The following TMPPE variants were observed in gnomAD, a reference collection of about 807,000 sequenced individuals.
TMPPE encodes transmembrane protein with metallophosphoesterase domain.
A neutral mutation model predicts 22.6 loss-of-function variants in TMPPE; 16 were observed. The observed-to-expected ratio is 0.71, with a 90% CI of 0.48 to 1.08. The LOEUF (loss-of-function observed/expected upper bound fraction) is 1.08, where lower values mean the gene tolerates loss of function less well. Among genes scored for constraint, TMPPE ranks in the 50% least tolerant of loss-of-function variants. The pLI, the probability that TMPPE is intolerant of heterozygous loss-of-function variation, is 0.00. For missense variants in TMPPE, 526 were observed against 584.3 expected, an observed-to-expected ratio of 0.90 and a Z score of 1.03; for synonymous variants, 240 against 245.3, an observed-to-expected ratio of 0.98 and a Z score of 0.20.
intron 1 of TMPPE, 157 bp downstream of exon 1, chr3:33,096,562 G>A (rs996338032): frequency 5.1e-6 from 5 of 984,396 alleles, no homozygotes; most frequent in South Asian, 4.7e-5. Flanking sequence ...CCCACTGCAA[G>A]GGCCTCTCCT....
intron 1 of TMPPE, among the ~76,000 whole-genome samples, chr3:33,095,917 G>A (rs1290600693): frequency 2.0e-5 from 3 of 152,224 alleles, no homozygotes; most frequent in Non-Finnish European, 4.4e-5. Context: ...ACGGGGTGAA[G>A]AGGGAGCAGC....
chr3:33,093,611 C>A lies in TMPPE; in HGVS notation c.585G>T (p.Val195=). 2 of 1,614,100 alleles carry A rather than the reference C, an allele frequency of 1.2e-6. No individual in the cohort carries two copies. The highest frequency in any genetic ancestry group is 1.7e-6 in the Non-Finnish European group (2 of 1,179,996). ...AQPPAVKTVE[V]PIHQLPASMN... Reference sequence around the variant, plus strand: ...TTGAGGCAGGCAGCTGATGGATGGGCACCTCCACAGTTTTCACAGCCGGGG... The same window carrying A: ...TTGAGGCAGGCAGCTGATGGATGGGAACCTCCACAGTTTTCACAGCCGGGG... The change falls in exon 2 of 2, where the codon GTG becomes GTT. Residue 195 remains valine (V), a synonymous_variant. Coordinates refer to ENST00000342462, the MANE Select transcript of TMPPE (RefSeq NM_001039770.3). The surrounding 1 kb of genome is among the most constrained non-coding windows in gnomAD (Gnocchi z 6.0).
At position 33,096,840 on chromosome 3, in the gene TMPPE, C is replaced by T. The variant is rs1303058537; in HGVS notation, c.-230G>A. 32 of 1,373,918 alleles carry T rather than the reference C, an allele frequency of 2.3e-5. 1 individual carries two copies. In the South Asian group the frequency reaches 4.1e-4, roughly 18 times the overall value. 85.1% of individuals were successfully genotyped at this position (1,373,918 alleles called of 1,614,324 possible). A position where few individuals can be genotyped will look rare whatever the true frequency, so the allele number is the denominator to read the frequency against. On this transcript the variant is annotated 5_prime_UTR_variant, in exon 1 of 2. Coordinates refer to ENST00000342462, the MANE Select transcript of TMPPE (RefSeq NM_001039770.3). ...CGCGCCCCGCCCGGCCCGCCCCCGA[C>T]GGGAAGGCCGGTCCACTGCCTGCGT...
chr3:33,096,462 C>A (rs1701032384), intron 1 of TMPPE: 1 of 984,886 alleles, frequency 1.0e-6, no homozygotes, highest in African/African-American at 1.8e-5. Context: ...AAAGAAAAAC[C>A]CAAGCCAAAG....
chr3:33,091,964 C>G lies in TMPPE; in HGVS notation c.*870G>C, dbSNP rs555734051. 1 of 984,472 alleles carries G rather than the reference C, an allele frequency of 1.0e-6. No homozygotes were observed. The allele number at this position is 984,472 out of a possible 1,614,324, so 61.0% of individuals were successfully genotyped here. On this transcript the variant is annotated 3_prime_UTR_variant, in exon 2 of 2. Coordinates refer to ENST00000342462, the MANE Select transcript of TMPPE (RefSeq NM_001039770.3). ...AGACCTGGTTTCTAGCCCCAAATCTCCTACATATCTTGTCATACTGCCTGT... is the reference window on the plus strand; with the variant it reads ...AGACCTGGTTTCTAGCCCCAAATCTGCTACATATCTTGTCATACTGCCTGT...
In TMPPE at chr3:33,091,322, C is replaced by T. The variant is rs924925789; in HGVS notation, c.*1512G>A. ...AGATCCCCCAGAACCCCACTATACA[C>T]CAGGAGGACAAGGAGGAAAGGAAGA... On this transcript the variant is annotated 3_prime_UTR_variant, in exon 2 of 2. Coordinates refer to ENST00000342462, the MANE Select transcript of TMPPE (RefSeq NM_001039770.3). 1 of 985,458 alleles carries T rather than the reference C, an allele frequency of 1.0e-6. No homozygotes were observed. The highest frequency in any genetic ancestry group is 6.1e-5 in the Admixed American group (1 of 16,282). The allele number at this position is 985,458 out of a possible 1,614,324, so 61.0% of individuals were successfully genotyped here.
chr3:33,092,032 G>A lies in TMPPE; in HGVS notation c.*802C>T. 2 of 985,078 alleles carry A rather than the reference G, an allele frequency of 2.0e-6. No individual in the cohort carries two copies. The highest frequency in any genetic ancestry group is 2.4e-6 in the Non-Finnish European group (2 of 829,656). The allele number at this position is 985,078 out of a possible 1,614,324, so 61.0% of individuals were successfully genotyped here. The stretch of plus-strand genomic sequence containing the variant: ...CTTGGTTTCCTTATCTCCAAATAGG[G>A]AAAAGCAGCCTGTCCCCAGTGAGCT... On this transcript the variant is annotated 3_prime_UTR_variant, in exon 2 of 2. Transcript: ENST00000342462.
Position 33,092,510 on chromosome 3 carries a change from GA to G in TMPPE, c.*323del. 1 of 1,098,834 alleles carries G rather than the reference GA, an allele frequency of 9.1e-7. No homozygotes were observed. Among genetic ancestry groups the G allele is most frequent in the Non-Finnish European group, 1.1e-6 (1 of 901,290 alleles). The allele number at this position is 1,098,834 out of a possible 1,614,324, so 68.1% of individuals were successfully genotyped here. A position where few individuals can be genotyped will look rare whatever the true frequency, so the allele number is the denominator to read the frequency against. ...AGAGGTATGCCTTTCTAGCAACCCC[GA>G]GGGGAGGTTCATCCCTGGGAGCTCT... On this transcript the variant is annotated 3_prime_UTR_variant, in exon 2 of 2. Transcript: ENST00000342462.
intron 1 of TMPPE, chr3:33,096,315 A>C (rs1277317435): frequency 1.1e-6 from 1 of 897,860 alleles, no homozygotes; most frequent in Admixed American, 6.2e-5. Context: ...CTCTCCCACC[A>C]ACTGTGCACG....
In TMPPE at chr3:33,093,391, G is replaced by C. The variant is rs1340067295; in HGVS notation, c.805C>G (p.Leu269Val). 19 of 1,614,202 alleles carry C rather than the reference G, an allele frequency of 1.2e-5. No homozygotes were observed. Among genetic ancestry groups the C allele is most frequent in the Non-Finnish European group, 1.6e-5 (19 of 1,180,046 alleles). Residue 269 changes from leucine to valine, a missense_variant, in exon 2 of 2, where the codon CTC (leucine) becomes GTC (valine). Leu to Val is a conservative substitution (Grantham distance 32). Transcript: ENST00000342462. This position sits in a 1 kb window ranked among gnomAD's most constrained non-coding sequence, Gnocchi z 6.0. ...TTGCCTGTGACGAAGTAGGCACCGA[G>C]ATGTGAATGAAGCTGGCCCAGAGGA... ...VAPLGQLHSH[L>V]GAYFVTGNHE...
At chr3:33,094,441 TTTA>T (rs756530682) in intron 1 of TMPPE, 138 bp from the exon 2 acceptor site, 58 of 1,073,016 alleles carry the variant, frequency 5.4e-5, no homozygotes, top group Admixed American at 1.9e-4. Context: ...CTAGCTATAC[TTTA>T]TTATTCAAAA....
At position 33,092,869 on chromosome 3, in the gene TMPPE, CG is replaced by C. The variant is rs749283390; in HGVS notation, c.1326del (p.Glu443ArgfsTer83). ...YGIPMRLGSR[A>X]EITELILQRS... Reference sequence around the variant, plus strand: ...CGCTGCAGGATGAGCTCTGTGATCTCGGCCCTGCTACCCAGCCTCATGGGTA... The same window carrying C: ...CGCTGCAGGATGAGCTCTGTGATCTCGCCCTGCTACCCAGCCTCATGGGTA... On this transcript the variant is annotated frameshift_variant, in exon 2 of 2. Coordinates refer to ENST00000342462, the MANE Select transcript of TMPPE (RefSeq NM_001039770.3). LOFTEE classifies it high-confidence loss of function. 4.3e-6 allele frequency: 7 copies of C among 1,611,396 alleles called. No individual in the cohort carries two copies. Among genetic ancestry groups the C allele is most frequent in the Non-Finnish European group, 5.1e-6 (6 of 1,178,522 alleles).
chr3:33,091,416 A>AG lies in TMPPE; in HGVS notation c.*1417_*1418insC. On this transcript the variant is annotated 3_prime_UTR_variant, in exon 2 of 2. Coordinates refer to ENST00000342462, the MANE Select transcript of TMPPE (RefSeq NM_001039770.3). ...AACCCCTAGCAGTTGCTGCTTTGAC[A>AG]CATCACCTGCCCCAGCAGCAGGCAG... 1.0e-6 allele frequency: 1 copy of AG among 985,516 alleles called. No individual in the cohort carries two copies. Among genetic ancestry groups the AG allele is most frequent in the Non-Finnish European group, 1.2e-6 (1 of 829,990 alleles). 61.0% of individuals were successfully genotyped at this position (985,516 alleles called of 1,614,324 possible).
chr3:33,092,267 C>T lies in TMPPE; in HGVS notation c.*567G>A. The T allele has an allele frequency of 1.0e-6, 1 of 986,266 alleles. No individual in the cohort carries two copies. The highest frequency in any genetic ancestry group is 4.7e-5 in the South Asian group (1 of 21,320). The allele number at this position is 986,266 out of a possible 1,614,324, so 61.1% of individuals were successfully genotyped here. On this transcript the variant is annotated 3_prime_UTR_variant, in exon 2 of 2. Coordinates refer to ENST00000342462, the MANE Select transcript of TMPPE (RefSeq NM_001039770.3). ...TTCCAGTAGATTTTGCTGATGCCCT[C>T]AATAGAGGTGATCCTGATAGAATCA... is the stretch of plus-strand genomic sequence containing the variant.
Position 33,092,543 on chromosome 3 carries a change from G to A in TMPPE, c.*291C>T. 1 of 1,169,158 alleles carries A rather than the reference G, an allele frequency of 8.6e-7. No homozygotes were observed. The highest frequency in any genetic ancestry group is 4.0e-5 in the East Asian group (1 of 24,736). The allele number at this position is 1,169,158 out of a possible 1,614,324, so 72.4% of individuals were successfully genotyped here. A position where few individuals can be genotyped will look rare whatever the true frequency, so the allele number is the denominator to read the frequency against. The stretch of plus-strand genomic sequence containing the variant: ...GTTCATCCCTGGGAGCTCTGCAGGA[G>A]AAGGTCCCCATTCCACATCATCTGG... On this transcript the variant is annotated 3_prime_UTR_variant, in exon 2 of 2. Coordinates refer to ENST00000342462, the MANE Select transcript of TMPPE (RefSeq NM_001039770.3).
Position 33,092,117 on chromosome 3 carries a change from C to A in TMPPE, c.*717G>T. 1.0e-6 allele frequency: 1 copy of A among 985,548 alleles called. No homozygotes were observed. The highest frequency in any genetic ancestry group is 1.2e-6 in the Non-Finnish European group (1 of 830,060). The allele number at this position is 985,548 out of a possible 1,614,324, so 61.1% of individuals were successfully genotyped here. ...CAAAGCCCTCTGAATTCCTAAGCAG[C>A]CATGTTCTCACCATCACCGACCATG... On this transcript the variant is annotated 3_prime_UTR_variant, in exon 2 of 2. Transcript: ENST00000342462.
At position 33,092,786 on chromosome 3, in the gene TMPPE, G is replaced by A. The variant is rs377398538; in HGVS notation, c.*48C>T. On this transcript the variant is annotated 3_prime_UTR_variant, in exon 2 of 2. Coordinates refer to ENST00000342462, the MANE Select transcript of TMPPE (RefSeq NM_001039770.3). Reference sequence around the variant, plus strand: ...AGGCAAACCACTCTGAAGCAGGATGGAGGGTCGAGGACAAGGGCAGGGCAG... The same window carrying A: ...AGGCAAACCACTCTGAAGCAGGATGAAGGGTCGAGGACAAGGGCAGGGCAG... The A allele has an allele frequency of 1.9e-4, 289 of 1,536,112 alleles. No individual in the cohort carries two copies. Among genetic ancestry groups the A allele is most frequent in the Non-Finnish European group, 2.0e-4 (228 of 1,141,534 alleles).
Position 33,091,026 on chromosome 3 carries a change from G to A in TMPPE, c.*1808C>T. The A allele has an allele frequency of 2.0e-6, 2 of 985,390 alleles. No individual in the cohort carries two copies. The highest frequency in any genetic ancestry group is 2.4e-6 in the Non-Finnish European group (2 of 829,922). The allele number at this position is 985,390 out of a possible 1,614,324, so 61.0% of individuals were successfully genotyped here. On this transcript the variant is annotated 3_prime_UTR_variant, in exon 2 of 2. Transcript: ENST00000342462. ...AAACCAGTGAAATAACACGTAACAGGTGAGTCAAACATTACCAGCCGCATC... is the reference window on the plus strand; with the variant it reads ...AAACCAGTGAAATAACACGTAACAGATGAGTCAAACATTACCAGCCGCATC...
In TMPPE at chr3:33,090,618, A is replaced by T; in HGVS notation, c.*2216T>A. 1 of 985,460 alleles carries T rather than the reference A, an allele frequency of 1.0e-6. No individual in the cohort carries two copies. Among genetic ancestry groups the T allele is most frequent in the African/African-American group, 1.7e-5 (1 of 57,362 alleles). The allele number at this position is 985,460 out of a possible 1,614,324, so 61.0% of individuals were successfully genotyped here. ...TCACCACCTCCCCCGGCCACAAACA[A>T]ACAAAAAGGTCCATGGTTTAAGAAT... is the stretch of plus-strand genomic sequence containing the variant. On this transcript the variant is annotated 3_prime_UTR_variant, in exon 2 of 2. Transcript: ENST00000342462.
Sources: allele counts gnomAD v4.1 joint callset (sites outside exome capture counted in the v4.1 genomes callset), GRCh38; gene constraint gnomAD v4.1.1; non-coding constraint Gnocchi (gnomAD v3.1); transcripts MANE v1.5; gene names NCBI Gene and HGNC (gene_info 2026-07-23, HGNC 2026-07-21).